ERBB4: variants seen among roughly 807,000 people sequenced by gnomAD.
The protein encoded by ERBB4 is erb-b2 receptor tyrosine kinase 4, also known as receptor tyrosine-protein kinase erbB-4.
A neutral mutation model predicts 158.0 loss-of-function variants in ERBB4; 42 were observed. The ratio of observed to expected loss-of-function variants is 0.27; its 90% CI spans 0.21 to 0.34. ERBB4 has a LOEUF of 0.34. ERBB4 is among the 10% of genes least tolerant of loss of function. The pLI, the probability that ERBB4 is intolerant of heterozygous loss-of-function variation, is 1.00. For synonymous variants in ERBB4, 583 were observed against 558.7 expected (o/e 1.04, Z -0.61); for missense variants, 1,333 against 1,624.1 (o/e 0.82, Z 3.08).
At chr2:211,806,085 A>G (rs1346131301) in intron 3 of ERBB4, among the ~76,000 whole-genome samples, 1 of 152,144 alleles carries the variant, frequency 6.6e-6, no homozygotes, top group South Asian at 2.1e-4. Context: ...CCTTAAGTTT[A>G]ATCGAGCCAA....
chr2:211,526,518 C>T (rs558319023), intron 20 of ERBB4, among the ~76,000 whole-genome samples: 2 of 152,170 alleles, frequency 1.3e-5, no homozygotes, highest in East Asian at 3.9e-4. Flanking sequence ...TGAGTACAAA[C>T]AAGCCCAAAC....
chr2:211,976,180 T>C lies in ERBB4; in HGVS notation c.235-28564A>G, dbSNP rs62185769. On this transcript the variant is annotated intron_variant, in intron 2 of 27. Coordinates refer to ENST00000342788, the MANE Select transcript of ERBB4 (RefSeq NM_005235.3). The stretch of plus-strand genomic sequence containing the variant: ...TCAGTTATTCCACTGGAATTTTATA[T>C]CCAAGCTGAATCAATTATAATAGAT... Among the ~76,000 whole-genome samples the C allele has an allele frequency of 2.8e-3, 427 of 152,272 alleles. 2 individuals carry two copies. Among genetic ancestry groups the C allele is most frequent in the Non-Finnish European group, 5.0e-3 (337 of 67,974 alleles).
At chr2:211,618,449 C>A (rs922409463) in intron 19 of ERBB4, among the ~76,000 whole-genome samples, 3 of 151,870 alleles carry the variant, frequency 2.0e-5, no homozygotes, top group Non-Finnish European at 4.4e-5. Context: ...CCAAAAAGAG[C>A]AGAGTTGAGT....
At chr2:211,578,906 T>C (rs1435798997) in intron 19 of ERBB4, among the ~76,000 whole-genome samples, 4 of 151,914 alleles carry the variant, frequency 2.6e-5, no homozygotes, top group Admixed American at 2.0e-4. Context: ...AAAGATTTCA[T>C]GAAATCACCG....
intron 2 of ERBB4, among the ~76,000 whole-genome samples, chr2:212,115,994 C>T (rs948371231): frequency 6.6e-6 from 1 of 151,878 alleles, no homozygotes; most frequent in African/African-American, 2.4e-5. Context: ...AACTGCTTTG[C>T]AATTAGGGGC....
chr2:211,590,895 A>G (rs2068441293), intron 19 of ERBB4, among the ~76,000 whole-genome samples: 1 of 152,198 alleles, frequency 6.6e-6, no homozygotes, highest in African/African-American at 2.4e-5. Context: ...TTGTTATGCA[A>G]CAGGAAGAGC....
chr2:211,400,580 T>C (rs1170502370), intron 25 of ERBB4, among the ~76,000 whole-genome samples: 1 of 151,652 alleles, frequency 6.6e-6, no homozygotes, highest in East Asian at 1.9e-4. Context: ...ATTAACACAA[T>C]TGAAATTATG....
chr2:211,685,632 T>A (rs2072533365), intron 12 of ERBB4, among the ~76,000 whole-genome samples: 1 of 152,216 alleles, frequency 6.6e-6, no homozygotes, highest in Admixed American at 6.5e-5. Flanking sequence ...ACAAATTGTA[T>A]AATAATCTTG....
At chr2:212,055,343 C>T (rs531687368) in intron 2 of ERBB4, among the ~76,000 whole-genome samples, 13 of 152,302 alleles carry the variant, frequency 8.5e-5, no homozygotes, top group Admixed American at 2.6e-4. Flanking sequence ...ATGAGGCCTC[C>T]GTGCTTCTGT....
intron 5 of ERBB4, among the ~76,000 whole-genome samples, chr2:211,739,459 G>T (rs534537216): frequency 6.6e-6 from 1 of 151,890 alleles, no homozygotes; most frequent in East Asian, 1.9e-4. Flanking sequence ...CAAACATCTG[G>T]CTATTTATTT....
chr2:212,148,778 A>G (rs2080768584), intron 1 of ERBB4, among the ~76,000 whole-genome samples: 1 of 147,956 alleles, frequency 6.8e-6, no homozygotes, highest in Non-Finnish European at 1.5e-5. Context: ...ATGTCCAACA[A>G]TGATAGACTG....
chr2:211,905,647 C>T (rs1253307450), intron 3 of ERBB4, among the ~76,000 whole-genome samples: 6 of 71,450 alleles, frequency 8.4e-5, no homozygotes, highest in East Asian at 8.2e-4. Flanking sequence ...TAGGAAGGAT[C>T]ATATATATAT....
intron 7 of ERBB4, among the ~76,000 whole-genome samples, chr2:211,716,437 G>A (rs1444579990): frequency 6.7e-6 from 1 of 150,354 alleles, no homozygotes; most frequent in Non-Finnish European, 1.5e-5. Flanking sequence ...AGCACTTTGG[G>A]AGGCCAAGGT....
At chr2:211,911,401 G>A (rs1447495573) in intron 3 of ERBB4, among the ~76,000 whole-genome samples, 1 of 152,048 alleles carries the variant, frequency 6.6e-6, no homozygotes, top group Non-Finnish European at 1.5e-5. Flanking sequence ...GAGTAGCTGA[G>A]ACCACAGGTG....
At chr2:211,881,807 G>A (rs1040532491) in intron 3 of ERBB4, among the ~76,000 whole-genome samples, 1 of 152,024 alleles carries the variant, frequency 6.6e-6, no homozygotes, top group Non-Finnish European at 1.5e-5. Context: ...AACTTCCACT[G>A]TTAAGCTCAC....
intron 2 of ERBB4, among the ~76,000 whole-genome samples, chr2:212,002,638 T>C (rs1282177179): frequency 6.6e-6 from 1 of 152,140 alleles, no homozygotes; most frequent in Non-Finnish European, 1.5e-5. Context: ...AAACTGATGA[T>C]GATACAAATA....
At chr2:212,129,787 C>A (rs750806174) in intron 1 of ERBB4, among the ~76,000 whole-genome samples, 1 of 151,990 alleles carries the variant, frequency 6.6e-6, no homozygotes, top group Non-Finnish European at 1.5e-5. Context: ...ACTCTATTTG[C>A]CAAACATTCT....
chr2:212,429,781 C>T (rs2091986854), intron 1 of ERBB4, among the ~76,000 whole-genome samples: 2 of 152,248 alleles, frequency 1.3e-5, no homozygotes, highest in South Asian at 4.1e-4. Context: ...ACCTAATGAC[C>T]TCATATAATG....
Position 212,023,475 on chromosome 2 carries a change from T to C in ERBB4, c.235-75859A>G, listed in dbSNP as rs867062483. On this transcript the variant is annotated intron_variant, in intron 2 of 27. Transcript: ENST00000342788. ...GATGGTTCAAGTACAAAAAGCAGTT[T>C]GTTAAGTATTAGATTAATAAAAGCG... 4.6e-5 allele frequency among the ~76,000 whole-genome samples: 7 copies of C among 151,318 alleles called. No individual in the cohort carries two copies. The South Asian group carries it at 6.3e-4, about 14-fold the overall frequency.
Sources: allele counts gnomAD v4.1 joint callset (sites outside exome capture counted in the v4.1 genomes callset), GRCh38; gene constraint gnomAD v4.1.1; transcripts MANE v1.5; gene names NCBI Gene and HGNC (gene_info 2026-07-23, HGNC 2026-07-21).